SLC44A1: variants seen among roughly 807,000 people sequenced by gnomAD.
The protein encoded by SLC44A1 is solute carrier family 44 member 1.
In SLC44A1, 26 loss-of-function variants were observed where a neutral mutation model predicts 79.3. The ratio of observed to expected loss-of-function variants is 0.33; its 90% CI spans 0.24 to 0.46. The LOEUF (loss-of-function observed/expected upper bound fraction) is 0.46. Among genes scored for constraint, SLC44A1 ranks in the 20% least tolerant of loss-of-function variants. SLC44A1 has a pLI of 1.00. For missense variants in SLC44A1, 688 were observed against 798.1 expected (o/e 0.86, Z 1.66); for synonymous variants, 263 against 286.2 (o/e 0.92, Z 0.82).
chr9:105,277,794 G>A (rs1830243985), intron 1 of SLC44A1, among the ~76,000 whole-genome samples: 1 of 152,164 alleles, frequency 6.6e-6, no homozygotes. Context: ...AATGTTAGTG[G>A]CAGTTCTGTT....
At chr9:105,325,029 G>A (rs1826527410) in intron 3 of SLC44A1, among the ~76,000 whole-genome samples, 1 of 152,154 alleles carries the variant, frequency 6.6e-6, no homozygotes, top group African/African-American at 2.4e-5. Context: ...AAAAACAGAT[G>A]TCCCCACAAA....
chr9:105,382,058 A>G (rs541241512), intron 13 of SLC44A1, among the ~76,000 whole-genome samples: 9 of 152,298 alleles, frequency 5.9e-5, no homozygotes, highest in Non-Finnish European at 1.3e-4. Flanking sequence ...CTGTGGATCA[A>G]TATCCAAATA....
chr9:105,385,572 A>G, intron 15 of SLC44A1, 70 bp downstream of exon 15: 1 of 1,542,198 alleles, frequency 6.5e-7, no homozygotes, highest in Non-Finnish European at 8.7e-7. Context: ...CTCTGTCTTC[A>G]CTGACTGCAC....
intron 15 of SLC44A1, among the ~76,000 whole-genome samples, chr9:105,425,020 A>G (rs1265159601): frequency 6.6e-6 from 1 of 152,128 alleles, no homozygotes; most frequent in Non-Finnish European, 1.5e-5. Flanking sequence ...TTAAATAACC[A>G]TGGTAACACC....
chr9:105,403,219 C>G (rs1270814260), intron 15 of SLC44A1, among the ~76,000 whole-genome samples: 6 of 151,998 alleles, frequency 3.9e-5, no homozygotes, highest in Non-Finnish European at 8.8e-5. Context: ...TGCATTGAAG[C>G]CTTAAATTCT....
At chr9:105,422,549 G>A (rs182594164) in intron 15 of SLC44A1, among the ~76,000 whole-genome samples, 79 of 152,150 alleles carry the variant, frequency 5.2e-4, no homozygotes, top group Non-Finnish European at 3.5e-4. Flanking sequence ...GCCTCCCAAA[G>A]TGCTGGGATT....
chr9:105,269,192 C>T (rs543506933), intron 1 of SLC44A1, among the ~76,000 whole-genome samples: 1 of 152,292 alleles, frequency 6.6e-6, no homozygotes, highest in Admixed American at 6.5e-5. Context: ...CTAATTGTGG[C>T]ATTCACTATA....
intron 3 of SLC44A1, among the ~76,000 whole-genome samples, chr9:105,334,320 A>C (rs937854201): frequency 6.6e-6 from 1 of 150,430 alleles, no homozygotes. Context: ...TGAAGTGTGC[A>C]GTGTTACTTG....
intron 1 of SLC44A1, among the ~76,000 whole-genome samples, chr9:105,262,989 A>C (rs1432393434): frequency 6.6e-6 from 1 of 152,258 alleles, no homozygotes; most frequent in East Asian, 1.9e-4. Flanking sequence ...AAAAGGAAAA[A>C]GAAGCACAAA....
intron 2 of SLC44A1, chr9:105,299,878 A>G (rs1830830383): frequency 1.0e-6 from 1 of 986,040 alleles, no homozygotes; most frequent in Admixed American, 6.1e-5. Flanking sequence ...TTAGAGATCA[A>G]GGGACCTGGT....
In SLC44A1 at chr9:105,393,771, A is replaced by G. The variant is rs1007307751; in HGVS notation, c.*4715A>G. ...ATTCGTTAGTAAATTTGTGAAAAAC[A>G]TGTGAGATTGTTCGAGACCTATTAG... On this transcript the variant is annotated 3_prime_UTR_variant, in exon 16 of 16. Transcript: ENST00000374720. The G allele has an allele frequency of 8.1e-6, 8 of 984,336 alleles. No homozygotes were observed. The highest frequency in any genetic ancestry group is 7.0e-5 in the African/African-American group (4 of 57,236). 61.0% of individuals were successfully genotyped at this position (984,336 alleles called of 1,614,324 possible). A position where few individuals can be genotyped will look rare whatever the true frequency, so the allele number is the denominator to read the frequency against.
intron 15 of SLC44A1, among the ~76,000 whole-genome samples, chr9:105,427,147 A>C (rs1304576543): frequency 6.6e-6 from 1 of 152,108 alleles, no homozygotes; most frequent in African/African-American, 2.4e-5. Context: ...TAGCCAGGCT[A>C]GTCTTGAACT....
intron 5 of SLC44A1, among the ~76,000 whole-genome samples, chr9:105,354,257 A>G (rs1337314136): frequency 6.6e-6 from 1 of 150,938 alleles, no homozygotes; most frequent in African/African-American, 2.4e-5. Context: ...TCACCGTGTT[A>G]GCCAGGATGG....
Position 105,364,639 on chromosome 9 carries a change from G to A in SLC44A1, c.1172G>A (p.Gly391Asp), listed in dbSNP as rs1363201527. 10 of 1,613,942 alleles carry A rather than the reference G, an allele frequency of 6.2e-6. No individual in the cohort carries two copies. The highest frequency in any genetic ancestry group is 8.5e-6 in the Non-Finnish European group (10 of 1,179,946). Reference protein sequence around the residue: ...LQYMWWYHVVGLIWISEFILA... With the variant: ...LQYMWWYHVVDLIWISEFILA... Reference sequence around the variant, plus strand: ...TACATGTGGTGGTACCATGTGGTGGGCCTGATTTGGATCAGTGAATTTATT... The same window carrying A: ...TACATGTGGTGGTACCATGTGGTGGACCTGATTTGGATCAGTGAATTTATT... Residue 391 changes from glycine (G) to aspartate (D), a missense_variant, in exon 10 of 16, where the codon GGC (glycine) becomes GAC (aspartate). Coordinates refer to ENST00000374720, the MANE Select transcript of SLC44A1 (RefSeq NM_080546.5).
intron 1 of SLC44A1, among the ~76,000 whole-genome samples, chr9:105,281,916 G>A (rs976729359): frequency 6.6e-6 from 1 of 152,186 alleles, no homozygotes; most frequent in South Asian, 2.1e-4. Flanking sequence ...ACTTAGGGCA[G>A]TACAGAAAGA....
intron 1 of SLC44A1, among the ~76,000 whole-genome samples, chr9:105,261,925 G>A (rs1421036218): frequency 2.6e-5 from 4 of 151,742 alleles, no homozygotes; most frequent in Non-Finnish European, 5.9e-5. Flanking sequence ...GACTACAGGC[G>A]CCCGCCACCA....
chr9:105,383,628 T>C (rs12342542), intron 14 of SLC44A1, among the ~76,000 whole-genome samples: 27,414 of 152,102 alleles, frequency 0.18, 4,361 homozygotes, highest in African/African-American at 0.43. Context: ...CCTCTCTCTG[T>C]AGTTAGATAG....
intron 5 of SLC44A1, among the ~76,000 whole-genome samples, chr9:105,351,591 AG>A (rs1564452691): frequency 2.9e-4 from 37 of 129,798 alleles, no homozygotes; most frequent in African/African-American, 4.5e-4. Context: ...AGAGAAAGAG[AG>A]AAAGAGAAAG....
intron 13 of SLC44A1, among the ~76,000 whole-genome samples, chr9:105,379,016 T>C (rs1021947765): frequency 3.3e-5 from 5 of 152,228 alleles, no homozygotes; most frequent in African/African-American, 1.2e-4. Flanking sequence ...GGCTCACGCC[T>C]GTAATCCCAA....
Sources: gnomAD v4.1 joint callset for allele counts (sites outside exome capture counted in the v4.1 genomes callset) on GRCh38, gnomAD v4.1.1 for gene constraint, MANE v1.5 for transcripts, NCBI Gene and HGNC (gene_info 2026-07-23, HGNC 2026-07-21) for gene names.